The following RPRD1B variants were observed in gnomAD, a reference collection of about 807,000 sequenced individuals.
RPRD1B encodes regulation of nuclear pre-mRNA domain containing 1B.
RPRD1B carries 11 observed loss-of-function variants against 41.5 expected under a neutral mutation model. That is an observed-to-expected ratio of 0.27 (90% CI 0.17 to 0.44). The LOEUF (loss-of-function observed/expected upper bound fraction) is 0.44, where lower values mean the gene tolerates loss of function less well. Among genes scored for constraint, RPRD1B ranks in the 20% least tolerant of loss-of-function variants. The probability of loss-of-function intolerance (pLI) is 1.00; values close to 1 mark genes in which losing one functional copy is unlikely to be tolerated. For missense variants in RPRD1B, 248 were observed against 389.9 expected (o/e 0.64, Z 3.06); for synonymous variants, 158 against 155.6 (o/e 1.02, Z -0.12).
At chr20:38,047,288 C>T (rs1394114225) in intron 2 of RPRD1B, among the ~76,000 whole-genome samples, 2 of 151,908 alleles carry the variant, frequency 1.3e-5, no homozygotes, top group African/African-American at 2.4e-5. Flanking sequence ...TGAAATTTAC[C>T]ACTAATAATT....
intron 6 of RPRD1B, among the ~76,000 whole-genome samples, chr20:38,069,231 T>C (rs769453399): frequency 6.6e-6 from 1 of 152,156 alleles, no homozygotes; most frequent in Non-Finnish European, 1.5e-5. Context: ...GAGCCTAGGA[T>C]GTAGGAGAGG....
At chr20:38,046,588 A>G (rs2122703746) in intron 2 of RPRD1B, among the ~76,000 whole-genome samples, 1 of 152,340 alleles carries the variant, frequency 6.6e-6, no homozygotes, top group Admixed American at 6.5e-5. Context: ...GTTATTTTCA[A>G]CGTGGAGATT....
Position 38,051,319 on chromosome 20 carries a change from G to A in RPRD1B, c.415+2838G>A, listed in dbSNP as rs574956223. ...ACTCAAGGTGTTGCTTGACTGAATG[G>A]AACTTTTTTATTTGAGCCACATGTG... On this transcript the variant is annotated intron_variant, in intron 3 of 6. Transcript: ENST00000373433. Among the ~76,000 whole-genome samples the A allele has an allele frequency of 4.6e-5, 7 of 152,304 alleles. No homozygotes were observed. In the South Asian group the frequency reaches 1.5e-3, roughly 32 times the overall value.
At chr20:38,066,911 T>G (rs991752859) in intron 6 of RPRD1B, among the ~76,000 whole-genome samples, 2 of 152,150 alleles carry the variant, frequency 1.3e-5, no homozygotes, top group African/African-American at 4.8e-5. Flanking sequence ...CACCTCAGCC[T>G]CCCAAAGTGC....
intron 5 of RPRD1B, 70 bp downstream of exon 5, chr20:38,059,590 A>G (rs2074276841): frequency 1.4e-6 from 2 of 1,476,532 alleles, no homozygotes; most frequent in Non-Finnish European, 1.8e-6. Flanking sequence ...ACCCTAGGCC[A>G]TACTTAACGT....
At chr20:38,036,592 A>T (rs1214578722) in intron 1 of RPRD1B, among the ~76,000 whole-genome samples, 3 of 152,228 alleles carry the variant, frequency 2.0e-5, no homozygotes, top group African/African-American at 7.2e-5. Flanking sequence ...ATATAGTTTA[A>T]AAATAGGAAT....
intron 6 of RPRD1B, among the ~76,000 whole-genome samples, chr20:38,077,154 G>A (rs2074470332): frequency 6.6e-6 from 1 of 151,790 alleles, no homozygotes; most frequent in Non-Finnish European, 1.5e-5. Context: ...ATGACCTCAG[G>A]AGATCCACCC....
chr20:38,071,280 C>G (rs563800480), intron 6 of RPRD1B, among the ~76,000 whole-genome samples: 9 of 152,362 alleles, frequency 5.9e-5, no homozygotes, highest in African/African-American at 1.7e-4. Context: ...TTAGTACGTT[C>G]ACAGTATTGT....
chr20:38,071,222 T>C (rs1480701977), intron 6 of RPRD1B, among the ~76,000 whole-genome samples: 1 of 152,270 alleles, frequency 6.6e-6, no homozygotes, highest in Non-Finnish European at 1.5e-5. Flanking sequence ...GAAATTCATA[T>C]AACGTAAATT....
chr20:38,055,212 C>G (rs2074226644), intron 3 of RPRD1B, among the ~76,000 whole-genome samples: 1 of 152,164 alleles, frequency 6.6e-6, no homozygotes, highest in African/African-American at 2.4e-5. Context: ...ATTTAATATG[C>G]TGTAACAACA....
rs1016803409 is a variant in RPRD1B, at chr20:38,091,726, C to T, written c.*1851C>T. 300 of 985,624 alleles carry T rather than the reference C, an allele frequency of 3.0e-4. No individual in the cohort carries two copies. The highest frequency in any genetic ancestry group is 3.5e-4 in the Non-Finnish European group (287 of 829,946). The allele number at this position is 985,624 out of a possible 1,614,324, so 61.1% of individuals were successfully genotyped here. A position where few individuals can be genotyped will look rare whatever the true frequency, so the allele number is the denominator to read the frequency against. On this transcript the variant is annotated 3_prime_UTR_variant, in exon 7 of 7. Transcript: ENST00000373433. ...TATGCTTTCACCAAGGAAGTGCGAT[C>T]TGAGCAGCCACAATCCAGCCAAAAG...
At position 38,053,453 on chromosome 20, in the gene RPRD1B, G is replaced by C. The variant is rs146059276; in HGVS notation, c.416-4079G>C. Among the ~76,000 whole-genome samples, 636 of 152,294 alleles carry C rather than the reference G, an allele frequency of 4.2e-3. 4 individuals carry two copies. The highest frequency in any genetic ancestry group is 0.015 in the African/African-American group (616 of 41,550). Reference sequence around the variant, plus strand: ...ACCTGTCACCCCTTTCCTAGGTACTGCAGGGATGTAGAGGAATAAGACACA... The same window carrying C: ...ACCTGTCACCCCTTTCCTAGGTACTCCAGGGATGTAGAGGAATAAGACACA... On this transcript the variant is annotated intron_variant, in intron 3 of 6. Transcript: ENST00000373433.
intron 2 of RPRD1B, among the ~76,000 whole-genome samples, chr20:38,046,319 TGATACAGTAA>T (rs944636506): frequency 6.6e-6 from 1 of 152,172 alleles, no homozygotes; most frequent in African/African-American, 2.4e-5. Flanking sequence ...GCCATGACCT[TGATACAGTAA>T]GATGATTGTT....
rs1439796654 is a variant in RPRD1B at position 38,066,811 on chromosome 20, A to G, written c.831+555A>G. The stretch of plus-strand genomic sequence containing the variant: ...GCTGGAACTACAGGCGTCCACCACC[A>G]CGCCTGGCTAATTTTTTGTATTTTT... On this transcript the variant is annotated intron_variant, in intron 6 of 6. Coordinates refer to ENST00000373433, the MANE Select transcript of RPRD1B (RefSeq NM_021215.4). Among the ~76,000 whole-genome samples, 7 of 152,132 alleles carry G rather than the reference A, an allele frequency of 4.6e-5. No homozygotes were observed. The East Asian group carries it at 1.4e-3, about 29-fold the overall frequency.
intron 2 of RPRD1B, among the ~76,000 whole-genome samples, chr20:38,046,598 T>C (rs909045226): frequency 6.6e-6 from 1 of 152,180 alleles, no homozygotes; most frequent in African/African-American, 2.4e-5. Flanking sequence ...ACGTGGAGAT[T>C]AGGGAATGAC....
intron 1 of RPRD1B, among the ~76,000 whole-genome samples, chr20:38,034,557 C>T (rs2073974556): frequency 1.3e-5 from 2 of 152,168 alleles, no homozygotes; most frequent in Admixed American, 1.3e-4. Flanking sequence ...TCTCCGTTTT[C>T]TCATCTGTAA....
Position 38,083,826 on chromosome 20 carries a change from T to C in RPRD1B, c.832-5900T>C, listed in dbSNP as rs1211652213. 3 of 152,186 alleles carry C rather than the reference T, an allele frequency of 2.0e-5. No individual in the cohort carries two copies. In the East Asian group the frequency reaches 5.8e-4, roughly 29 times the overall value. 9.4% of individuals were successfully genotyped at this position (152,186 alleles called of 1,614,324 possible). The stretch of plus-strand genomic sequence containing the variant: ...CTTTGTATCTTACCCAGTGTCTTAC[T>C]CAGCAGCTCCCGCCGTGCTGTGACA... On this transcript the variant is annotated intron_variant, in intron 6 of 6. Coordinates refer to ENST00000373433, the MANE Select transcript of RPRD1B (RefSeq NM_021215.4).
At chr20:38,076,780 A>C (rs1187289083) in intron 6 of RPRD1B, among the ~76,000 whole-genome samples, 1 of 149,420 alleles carries the variant, frequency 6.7e-6, no homozygotes, top group Non-Finnish European at 1.5e-5. Flanking sequence ...ATTACAATGT[A>C]TTTGCATTTC....
chr20:38,090,532 G>A lies in RPRD1B; in HGVS notation c.*657G>A. The stretch of plus-strand genomic sequence containing the variant: ...ATCTGGAGCATAAAGGCACAGTTCA[G>A]AGACAGAATAACAGGGATCACAAGC... On this transcript the variant is annotated 3_prime_UTR_variant, in exon 7 of 7. Transcript: ENST00000373433. The A allele has an allele frequency of 1.0e-6, 1 of 985,946 alleles. No homozygotes were observed. The highest frequency in any genetic ancestry group is 1.2e-6 in the Non-Finnish European group (1 of 829,950). The allele number at this position is 985,946 out of a possible 1,614,324, so 61.1% of individuals were successfully genotyped here. A position where few individuals can be genotyped will look rare whatever the true frequency, so the allele number is the denominator to read the frequency against.
Sources: allele counts gnomAD v4.1 joint callset (sites outside exome capture counted in the v4.1 genomes callset), GRCh38; gene constraint gnomAD v4.1.1; transcripts MANE v1.5; gene names NCBI Gene and HGNC (gene_info 2026-07-23, HGNC 2026-07-21).